SMCR8: variants seen among roughly 807,000 people sequenced by gnomAD.
SMCR8 encodes SMCR8-C9orf72 complex subunit.
SMCR8 carries 30 observed loss-of-function variants against 56.6 expected under a neutral mutation model. That is an observed-to-expected ratio of 0.53 (90% CI 0.40 to 0.72). The LOEUF (loss-of-function observed/expected upper bound fraction) is 0.72, where lower values mean the gene tolerates loss of function less well. Among genes scored for constraint, SMCR8 ranks in the 30% least tolerant of loss-of-function variants. The pLI is 0.00. For synonymous variants in SMCR8, 538 were observed against 456.0 expected (o/e 1.18, Z -2.29); for missense variants, 1,198 against 1,157.0 (o/e 1.04, Z -0.51).
chr17:18,322,715 C>T lies in SMCR8; in HGVS notation c.2459C>T (p.Pro820Leu). The stretch of plus-strand genomic sequence containing the variant: ...CTTGACAACAAAACCCTGCGCTGCC[C>T]CCTTTACAGAGGCACCCTGGTGCCC... ...LDLDNKTLRCPLYRGTLVPRL... is the reference protein window; with the variant it reads ...LDLDNKTLRCLLYRGTLVPRL... The change falls in exon 2 of 2, where the codon CCC (proline) becomes CTC (leucine). Residue 820 changes from proline to leucine, a missense_variant. Physicochemically the swap from Pro to Leu is moderately conservative, Grantham distance 98. Coordinates refer to ENST00000406438, the MANE Select transcript of SMCR8 (RefSeq NM_144775.3). The T allele has an allele frequency of 6.2e-7, 1 of 1,614,240 alleles. No homozygotes were observed. The highest frequency in any genetic ancestry group is 8.5e-7 in the Non-Finnish European group (1 of 1,180,050).
chr17:18,318,529 G>C (rs1487329156), intron 1 of SMCR8, among the ~76,000 whole-genome samples: 1 of 152,104 alleles, frequency 6.6e-6, no homozygotes, highest in African/African-American at 2.4e-5. Flanking sequence ...TCACTGTCCT[G>C]AGTAGCTGGG....
In SMCR8 at chr17:18,317,954, C is replaced by G; in HGVS notation, c.2165C>G (p.Pro722Arg). ...KFIRQYPFAH[P>R]AIYSLLSGRT... ...ATCCGCCAGTACCCCTTTGCCCACC[C>G]AGCCATCTACTCCCTGCTCAGTGGG... Residue 722 changes from proline (P) to arginine (R), a missense_variant, in exon 1 of 2, where the codon CCA becomes CGA. Coordinates refer to ENST00000406438, the MANE Select transcript of SMCR8 (RefSeq NM_144775.3). The G allele has an allele frequency of 6.2e-7, 1 of 1,614,214 alleles. No homozygotes were observed. The highest frequency in any genetic ancestry group is 8.5e-7 in the Non-Finnish European group (1 of 1,180,038).
chr17:18,316,118 C>T lies in SMCR8; in HGVS notation c.329C>T (p.Ser110Phe). Reference protein sequence around the residue: ...QASFVGHPPGSAYPKLNFVED... With the variant: ...QASFVGHPPGFAYPKLNFVED... Reference sequence around the variant, plus strand: ...TCCTTCGTGGGCCATCCTCCTGGATCTGCCTACCCCAAGCTGAACTTCGTG... The same window carrying T: ...TCCTTCGTGGGCCATCCTCCTGGATTTGCCTACCCCAAGCTGAACTTCGTG... Residue 110 changes from serine to phenylalanine, a missense_variant, in exon 1 of 2, where the codon TCT (serine) becomes TTT (phenylalanine). Coordinates refer to ENST00000406438, the MANE Select transcript of SMCR8 (RefSeq NM_144775.3). 7.4e-6 allele frequency: 12 copies of T among 1,614,174 alleles called. No individual in the cohort carries two copies. Among genetic ancestry groups the T allele is most frequent in the African/African-American group, 1.3e-5 (1 of 75,050 alleles).
In SMCR8 at chr17:18,317,766, T is replaced by TAGCCGGGACATCAGTAAGACC. The variant is rs1982371848; in HGVS notation, c.1982_2002dup (p.Arg661_Ser667dup). ...AGCTGGACCCGAGCCACCTGCTGGC[T>TAGCCGGGACATCAGTAAGACC]AGCCGGGACATCAGTAAGACCAGCC... On this transcript the variant is annotated inframe_insertion, in exon 1 of 2. Transcript: ENST00000406438. 5.0e-6 allele frequency: 8 copies of TAGCCGGGACATCAGTAAGACC among 1,614,034 alleles called. No individual in the cohort carries two copies. Among genetic ancestry groups the TAGCCGGGACATCAGTAAGACC allele is most frequent in the African/African-American group, 1.3e-5 (1 of 74,914 alleles).
chr17:18,315,720 C>G lies in SMCR8; in HGVS notation c.-70C>G. On this transcript the variant is annotated 5_prime_UTR_variant, in exon 1 of 2. Coordinates refer to ENST00000406438, the MANE Select transcript of SMCR8 (RefSeq NM_144775.3). ...TTCACTTCCTTCTCCGGAGGCCTGCCTTCTGCGCGTCGATTAACACCGCAT... is the reference window on the plus strand; with the variant it reads ...TTCACTTCCTTCTCCGGAGGCCTGCGTTCTGCGCGTCGATTAACACCGCAT... The G allele has an allele frequency of 1.4e-6, 2 of 1,435,746 alleles. No individual in the cohort carries two copies. The highest frequency in any genetic ancestry group is 4.4e-5 in the Admixed American group (2 of 45,880). The allele number at this position is 1,435,746 out of a possible 1,614,324, so 88.9% of individuals were successfully genotyped here. A position where few individuals can be genotyped will look rare whatever the true frequency, so the allele number is the denominator to read the frequency against.
Position 18,316,370 on chromosome 17 carries a change from A to T in SMCR8, c.581A>T (p.Glu194Val). The T allele has an allele frequency of 1.9e-6, 3 of 1,614,074 alleles. No homozygotes were observed. Among genetic ancestry groups the T allele is most frequent in the Non-Finnish European group, 2.5e-6 (3 of 1,180,030 alleles). ...GGCAACAGGAAGGCATTTGCTGGGG[A>T]ACTTGAAAAAAAGCTGAAAGACTTG... is the stretch of plus-strand genomic sequence containing the variant. ...KTGNRKAFAG[E>V]LEKKLKDLDY... is the part of the protein sequence containing the mutation. Residue 194 changes from glutamate (E) to valine (V), a missense_variant, in exon 1 of 2, where the codon GAA becomes GTA. By Grantham distance (121) the Glu-to-Val change is moderately radical. Transcript: ENST00000406438.
chr17:18,316,507 G>A lies in SMCR8; in HGVS notation c.718G>A (p.Glu240Lys). The change falls in exon 1 of 2, where the codon GAG becomes AAG. Residue 240 changes from glutamate (E) to lysine (K), a missense_variant. Coordinates refer to ENST00000406438, the MANE Select transcript of SMCR8 (RefSeq NM_144775.3). ...IEKANELASV[E>K]KSIIEHQDLL... Reference sequence around the variant, plus strand: ...GAAAGCCAATGAACTGGCCAGTGTGGAGAAGTCCATCATTGAACATCAAGA... The same window carrying A: ...GAAAGCCAATGAACTGGCCAGTGTGAAGAAGTCCATCATTGAACATCAAGA... The A allele has an allele frequency of 6.2e-7, 1 of 1,614,164 alleles. No individual in the cohort carries two copies. The highest frequency in any genetic ancestry group is 8.5e-7 in the Non-Finnish European group (1 of 1,180,040).
rs748292523 is a variant in SMCR8, at chr17:18,316,885, C to T, written c.1096C>T (p.His366Tyr). ...QIDRALLKQQ[H>Y]ITNFLFEDFV... ...TGATAGAGCACTTCTAAAACAACAGCATATAACAAACTTTCTCTTTGAAGA... is the reference window on the plus strand; with the variant it reads ...TGATAGAGCACTTCTAAAACAACAGTATATAACAAACTTTCTCTTTGAAGA... The change falls in exon 1 of 2, where the codon CAT (histidine) becomes TAT (tyrosine). Residue 366 changes from histidine to tyrosine, a missense_variant. His to Tyr is a moderately conservative substitution (Grantham distance 83, BLOSUM62 2). Coordinates refer to ENST00000406438, the MANE Select transcript of SMCR8 (RefSeq NM_144775.3). The T allele has an allele frequency of 6.2e-7, 1 of 1,614,194 alleles. No homozygotes were observed. The highest frequency in any genetic ancestry group is 1.7e-5 in the Admixed American group (1 of 60,022).
intron 1 of SMCR8, among the ~76,000 whole-genome samples, chr17:18,318,893 C>G (rs1406001734): frequency 1.3e-5 from 2 of 152,242 alleles, no homozygotes; most frequent in African/African-American, 2.4e-5. Context: ...GCTGCTGTCC[C>G]TGTAAGTGCT....
At position 18,316,775 on chromosome 17, in the gene SMCR8, A is replaced by C; in HGVS notation, c.986A>C (p.Glu329Ala). Residue 329 changes from glutamate (E) to alanine (A), a missense_variant, in exon 1 of 2, where the codon GAA becomes GCA. Transcript: ENST00000406438. ...LKTLEELCDTEYFTQTLAQLS... is the reference protein window; with the variant it reads ...LKTLEELCDTAYFTQTLAQLS... ...ACCTTGGAGGAGCTCTGTGACACTG[A>C]ATATTTCACCCAGACCCTGGCTCAG... 1 of 1,614,222 alleles carries C rather than the reference A, an allele frequency of 6.2e-7. No homozygotes were observed. The highest frequency in any genetic ancestry group is 1.1e-5 in the South Asian group (1 of 91,088).
chr17:18,318,478 A>G (rs1982401017), intron 1 of SMCR8, among the ~76,000 whole-genome samples: 1 of 152,092 alleles, frequency 6.6e-6, no homozygotes, highest in African/African-American at 2.4e-5. Context: ...ATCTTGGCTC[A>G]CTGCAATCTC....
Position 18,326,535 on chromosome 17 carries a change from A to G in SMCR8, c.*3465A>G, listed in dbSNP as rs1179812732. The G allele has an allele frequency of 6.6e-6, 1 of 152,266 alleles. No homozygotes were observed. Among genetic ancestry groups the G allele is most frequent in the African/African-American group, 2.4e-5 (1 of 41,468 alleles). 9.4% of individuals were successfully genotyped at this position (152,266 alleles called of 1,614,324 possible). A position where few individuals can be genotyped will look rare whatever the true frequency, so the allele number is the denominator to read the frequency against. The stretch of plus-strand genomic sequence containing the variant: ...ACACATTGCTCCCAAATTTGGAAAT[A>G]GACCACAGTACCTTACCTTTCATTC... On this transcript the variant is annotated 3_prime_UTR_variant, in exon 2 of 2. Coordinates refer to ENST00000406438, the MANE Select transcript of SMCR8 (RefSeq NM_144775.3).
rs1377213736 is a variant in SMCR8 at position 18,315,522 on chromosome 17, G to C, written c.-268G>C. 2 of 411,930 alleles carry C rather than the reference G, an allele frequency of 4.9e-6. No homozygotes were observed. The highest frequency in any genetic ancestry group is 8.7e-6 in the Non-Finnish European group (2 of 230,276). The allele number at this position is 411,930 out of a possible 1,614,324, so 25.5% of individuals were successfully genotyped here. On this transcript the variant is annotated 5_prime_UTR_variant, in exon 1 of 2. Transcript: ENST00000406438. ...CAGGTTTCTTGTGCTGGCCGCGCTC[G>C]CCGGACGAAGAAGAGAAGGGCAGTT... is the stretch of plus-strand genomic sequence containing the variant.
In SMCR8 at chr17:18,326,830, G is replaced by A. The variant is rs1340572847; in HGVS notation, c.*3760G>A. ...GCACTGCTTGTTGGGTCAGCATCTA[G>A]TGCTGCTGTCACATCTTTGTCTGCA... On this transcript the variant is annotated 3_prime_UTR_variant, in exon 2 of 2. Coordinates refer to ENST00000406438, the MANE Select transcript of SMCR8 (RefSeq NM_144775.3). The A allele has an allele frequency of 6.6e-6, 1 of 152,484 alleles. No homozygotes were observed. Among genetic ancestry groups the A allele is most frequent in the Non-Finnish European group, 1.5e-5 (1 of 68,090 alleles). 9.4% of individuals were successfully genotyped at this position (152,484 alleles called of 1,614,324 possible).
At position 18,317,387 on chromosome 17, in the gene SMCR8, T is replaced by C. The variant is rs1567758650; in HGVS notation, c.1598T>C (p.Phe533Ser). The stretch of plus-strand genomic sequence containing the variant: ...TCTGAGGCCCTCATCCCTGATGACT[T>C]TAAGGCCAGCTACCCAAGTGCCATT... ...CPSEALIPDD[F>S]KASYPSAINE... The change falls in exon 1 of 2, where the codon TTT (phenylalanine) becomes TCT (serine). Residue 533 changes from phenylalanine (F) to serine (S), a missense_variant. Coordinates refer to ENST00000406438, the MANE Select transcript of SMCR8 (RefSeq NM_144775.3). 3.1e-6 allele frequency: 5 copies of C among 1,614,052 alleles called. No individual in the cohort carries two copies. Among genetic ancestry groups the C allele is most frequent in the Non-Finnish European group, 4.2e-6 (5 of 1,180,030 alleles).
intron 1 of SMCR8, 66 bp from the exon 2 acceptor site, chr17:18,322,551 C>G: frequency 6.7e-7 from 1 of 1,494,788 alleles, no homozygotes; most frequent in Non-Finnish European, 9.2e-7. Context: ...GGCCTCACCT[C>G]CCAAGCTTCT....
Position 18,317,975 on chromosome 17 carries a change from G to C in SMCR8, c.2186G>C (p.Ser729Thr). 6.2e-7 allele frequency: 1 copy of C among 1,614,246 alleles called. No homozygotes were observed. Among genetic ancestry groups the C allele is most frequent in the Non-Finnish European group, 8.5e-7 (1 of 1,180,036 alleles). ...CACCCAGCCATCTACTCCCTGCTCA[G>C]TGGGAGGACACTTGTGGTCCTGGGG... ...FAHPAIYSLLSGRTLVVLGED... is the reference protein window; with the variant it reads ...FAHPAIYSLLTGRTLVVLGED... The change falls in exon 1 of 2, where the codon AGT becomes ACT. Residue 729 changes from serine (S) to threonine (T), a missense_variant. Ser to Thr is a moderately conservative substitution (Grantham distance 58). Transcript: ENST00000406438.
chr17:18,322,889 A>G lies in SMCR8; in HGVS notation c.2633A>G (p.Glu878Gly), dbSNP rs1291146325. 6.2e-7 allele frequency: 1 copy of G among 1,614,152 alleles called. No homozygotes were observed. Among genetic ancestry groups the G allele is most frequent in the Non-Finnish European group, 8.5e-7 (1 of 1,180,012 alleles). The change falls in exon 2 of 2, where the codon GAG becomes GGG. Residue 878 changes from glutamate (E) to glycine (G), a missense_variant. By Grantham distance (98) the Glu-to-Gly change is moderately conservative. Coordinates refer to ENST00000406438, the MANE Select transcript of SMCR8 (RefSeq NM_144775.3). ...HLPTHDKETE[E>G]LVASRQMSFL... The stretch of plus-strand genomic sequence containing the variant: ...CCTACCCACGACAAGGAGACAGAGG[A>G]GCTGGTAGCCAGCCGCCAGATGAGC...
At position 18,315,709 on chromosome 17, in the gene SMCR8, C is replaced by A; in HGVS notation, c.-81C>A. On this transcript the variant is annotated 5_prime_UTR_variant, in exon 1 of 2. Transcript: ENST00000406438. ...GCCGTAAGGGCTTCACTTCCTTCTC[C>A]GGAGGCCTGCCTTCTGCGCGTCGAT... 1 of 1,362,120 alleles carries A rather than the reference C, an allele frequency of 7.3e-7. No individual in the cohort carries two copies. The highest frequency in any genetic ancestry group is 1.4e-5 in the South Asian group (1 of 71,358). The allele number at this position is 1,362,120 out of a possible 1,614,324, so 84.4% of individuals were successfully genotyped here.
Sources: gnomAD v4.1 joint callset for allele counts (sites outside exome capture counted in the v4.1 genomes callset) on GRCh38, gnomAD v4.1.1 for gene constraint, MANE v1.5 for transcripts, NCBI Gene and HGNC (gene_info 2026-07-23, HGNC 2026-07-21) for gene names.